The following NRG4 variants were observed in gnomAD, a reference collection of about 807,000 sequenced individuals.
NRG4 encodes the protein pro-neuregulin-4, membrane-bound isoform.
NRG4 carries 10 observed loss-of-function variants against 15.0 expected under a neutral mutation model. That is an observed-to-expected ratio of 0.67 (90% CI 0.41 to 1.13). The LOEUF (loss-of-function observed/expected upper bound fraction) is 1.13. Among genes scored for constraint, NRG4 ranks in the 50% most tolerant of loss-of-function variants. The pLI, the probability that NRG4 is intolerant of heterozygous loss-of-function variation, is 0.00. For missense variants in NRG4, 139 were observed against 140.2 expected, an observed-to-expected ratio of 0.99 and a Z score of 0.04; for synonymous variants, 41 against 50.1, an observed-to-expected ratio of 0.82 and a Z score of 0.77.
At chr15:75,994,215 C>T (rs932464294) in intron 3 of NRG4, among the ~76,000 whole-genome samples, 1 of 152,206 alleles carries the variant, frequency 6.6e-6, no homozygotes, top group Non-Finnish European at 1.5e-5. Context: ...AGTGAAATGT[C>T]TATTCACTTT....
intron 5 of NRG4, among the ~76,000 whole-genome samples, chr15:76,029,610 T>C (rs1452536272): frequency 2.6e-5 from 4 of 152,086 alleles, no homozygotes; most frequent in Non-Finnish European, 5.9e-5. Flanking sequence ...CATATAAACA[T>C]CAGCAGTATT....
intron 5 of NRG4, among the ~76,000 whole-genome samples, chr15:75,947,786 C>T (rs948679930): frequency 3.3e-5 from 5 of 152,138 alleles, no homozygotes; most frequent in South Asian, 4.1e-4. Context: ...CCAATTTCTA[C>T]GTGTTCTCAC....
intron 5 of NRG4, among the ~76,000 whole-genome samples, chr15:76,026,815 C>T (rs756828212): frequency 2.0e-5 from 3 of 151,926 alleles, no homozygotes; most frequent in Non-Finnish European, 4.4e-5. Flanking sequence ...ATAGATTGGC[C>T]GAAAGGATAA....
Position 76,019,502 on chromosome 15 carries a change from G to A in NRG4, c.-56-8216C>T, listed in dbSNP as rs1467277408. 4.6e-5 allele frequency among the ~76,000 whole-genome samples: 7 copies of A among 152,188 alleles called. No individual in the cohort carries two copies. In the East Asian group the frequency reaches 1.2e-3, roughly 25 times the overall value. ...GGCCCTGATGGCGTAGGCACGTGAGGGAATTTCCTCATCTGTGGGTTGTGA... is the reference window on the plus strand; with the variant it reads ...GGCCCTGATGGCGTAGGCACGTGAGAGAATTTCCTCATCTGTGGGTTGTGA... On this transcript the variant is annotated intron_variant, in intron 5 of 8. Transcript: ENST00000563910.
intron 3 of NRG4, chr15:76,052,903 T>C (rs1014639018): frequency 4.0e-5 from 6 of 151,188 alleles, no homozygotes; most frequent in East Asian, 3.8e-4. Context: ...GAATAGTATA[T>C]TTTTGTAACT....
At chr15:75,946,354 TTTTG>T (rs1368698201) in intron 5 of NRG4, among the ~76,000 whole-genome samples, 2 of 151,920 alleles carry the variant, frequency 1.3e-5, no homozygotes, top group Admixed American at 1.3e-4. Context: ...TTTTTGTTTG[TTTTG>T]TTTGATTTTG....
Position 76,050,808 on chromosome 15 carries a change from A to AT in NRG4, c.-105+1258dup, listed in dbSNP as rs1253621582. On this transcript the variant is annotated intron_variant, in intron 4 of 8. Transcript: ENST00000563910. ...TCCAGACTCCTGTTCTCCAAAACTAATTTTTTTTTTTTTAAGATATGGGGT... is the reference window on the plus strand; with the variant it reads ...TCCAGACTCCTGTTCTCCAAAACTAATTTTTTTTTTTTTTAAGATATGGGGT... 1.6e-3 allele frequency among the ~76,000 whole-genome samples: 215 copies of AT among 138,150 alleles called. 4 individuals are homozygous for AT. The highest frequency in any genetic ancestry group is 3.7e-3 in the African/African-American group (133 of 36,372). 90.6% of individuals were successfully genotyped at this position (138,150 alleles called of 152,430 possible).
downstream of NRG4, chr15:75,939,767 C>T (rs1024928629): frequency 2.6e-5 from 4 of 152,030 alleles, no homozygotes; most frequent in Non-Finnish European, 4.4e-5. Flanking sequence ...ATTAACAGAA[C>T]GAAGCGAGAA....
At chr15:76,011,686 T>C (rs1350494466) in intron 1 of NRG4, among the ~76,000 whole-genome samples, 1 of 152,180 alleles carries the variant, frequency 6.6e-6, no homozygotes, top group East Asian at 1.9e-4. Flanking sequence ...TAAAAGCACT[T>C]TTAAGTTTAC....
intron 5 of NRG4, among the ~76,000 whole-genome samples, chr15:75,953,775 C>T (rs1012320919): frequency 3.9e-5 from 6 of 152,318 alleles, no homozygotes; most frequent in Non-Finnish European, 7.3e-5. Flanking sequence ...TCACCGCAGC[C>T]TTGACCTCCT....
upstream of NRG4, among the ~76,000 whole-genome samples, chr15:76,015,926 A>G (rs1263860002): frequency 2.0e-5 from 3 of 152,152 alleles, no homozygotes; most frequent in Non-Finnish European, 2.9e-5. Context: ...GAATGGTACC[A>G]GGTCCTCTTG....
At chr15:76,001,337 A>G (rs1196977134) in intron 3 of NRG4, among the ~76,000 whole-genome samples, 3 of 152,182 alleles carry the variant, frequency 2.0e-5, no homozygotes, top group Non-Finnish European at 4.4e-5. Flanking sequence ...GAAAAGGGTG[A>G]AATTATTTGT....
chr15:75,993,528 C>T (rs2034103593), intron 3 of NRG4, among the ~76,000 whole-genome samples: 1 of 151,306 alleles, frequency 6.6e-6, no homozygotes, highest in African/African-American at 2.4e-5. Flanking sequence ...GGTGAAACCT[C>T]GACTCTACTA....
Position 76,019,594 on chromosome 15 carries a change from G to T in NRG4, c.-56-8308C>A, listed in dbSNP as rs763353032. Reference sequence around the variant, plus strand: ...TCCCTCATGGCTTCCCTTGGCTAGGGGGGTAGTTCCCCAATCCCTTGCACT... The same window carrying T: ...TCCCTCATGGCTTCCCTTGGCTAGGTGGGTAGTTCCCCAATCCCTTGCACT... On this transcript the variant is annotated intron_variant, in intron 5 of 8. Transcript: ENST00000563910. 4.6e-5 allele frequency among the ~76,000 whole-genome samples: 7 copies of T among 152,186 alleles called. 1 individual carries two copies. The highest frequency in any genetic ancestry group is 3.3e-4 in the Admixed American group (5 of 15,284).
intron 3 of NRG4, among the ~76,000 whole-genome samples, chr15:75,972,764 G>A (rs905183703): frequency 2.0e-5 from 3 of 152,136 alleles, no homozygotes; most frequent in Non-Finnish European, 2.9e-5. Context: ...TGCTGTTTTG[G>A]TTACTGTAGC....
chr15:75,995,226 A>T (rs1405783036), intron 3 of NRG4, among the ~76,000 whole-genome samples: 1 of 151,892 alleles, frequency 6.6e-6, no homozygotes, highest in Non-Finnish European at 1.5e-5. Context: ...AGAAAGAAAG[A>T]AAAGCAGTTT....
intron 3 of NRG4, among the ~76,000 whole-genome samples, chr15:75,993,392 TAAAAAAAAAAAA>T (rs60453624): frequency 5.5e-5 from 4 of 72,146 alleles, no homozygotes; most frequent in African/African-American, 2.0e-4. Context: ...GAGGATTCTG[TAAAAAAAAAAAA>T]AAAAAAAAAA....
At chr15:75,944,102 C>T (rs1212264898) in intron 5 of NRG4, among the ~76,000 whole-genome samples, 1 of 152,164 alleles carries the variant, frequency 6.6e-6, no homozygotes, top group African/African-American at 2.4e-5. Context: ...AAACCTGTGG[C>T]TAATTGGGAC....
At chr15:76,027,599 T>C (rs931882611) in intron 5 of NRG4, among the ~76,000 whole-genome samples, 1 of 152,044 alleles carries the variant, frequency 6.6e-6, no homozygotes, top group Admixed American at 6.6e-5. Context: ...ACAATAATAG[T>C]TGGGGACATC....
Sources: allele counts gnomAD v4.1 joint callset (sites outside exome capture counted in the v4.1 genomes callset), GRCh38; gene constraint gnomAD v4.1.1; transcripts MANE v1.5; gene names NCBI Gene and HGNC (gene_info 2026-07-23, HGNC 2026-07-21).